Variants in CCDC7 observed in about 807,000 individuals in gnomAD.
CCDC7 encodes coiled-coil domain containing 7.
In CCDC7, 183 loss-of-function variants were observed where a neutral mutation model predicts 196.9. The observed-to-expected ratio is 0.93, with a 90% CI of 0.82 to 1.05. The LOEUF is 1.05. Among genes scored for constraint, CCDC7 ranks in the 50% least tolerant of loss-of-function variants. The probability of loss-of-function intolerance (pLI) is 0.00; values close to 1 mark genes in which losing one functional copy is unlikely to be tolerated. For synonymous variants in CCDC7, 525 were observed against 484.6 expected (o/e 1.08, Z -1.10); for missense variants, 1,540 against 1,482.2 (o/e 1.04, Z -0.64).
intron 9 of CCDC7, chr10:32,511,765 T>A: frequency 6.7e-7 from 1 of 1,495,830 alleles, no homozygotes; most frequent in South Asian, 1.1e-5. Flanking sequence ...GGCCTTCGAC[T>A]CCAGCCTCCC....
chr10:32,676,555 C>T (rs560281144), intron 21 of CCDC7, among the ~76,000 whole-genome samples: 45 of 152,154 alleles, frequency 3.0e-4, no homozygotes, highest in East Asian at 1.9e-3. Context: ...AAAATGTGGG[C>T]GAAGGACATG....
intron 33 of CCDC7, among the ~76,000 whole-genome samples, chr10:32,841,364 C>A: frequency 6.6e-6 from 1 of 151,940 alleles, no homozygotes; most frequent in Non-Finnish European, 1.5e-5. Context: ...AGTGACCAAG[C>A]TGAGAATCAA....
chr10:32,821,526 G>A (rs1279102342), intron 31 of CCDC7, among the ~76,000 whole-genome samples: 4 of 152,012 alleles, frequency 2.6e-5, no homozygotes, highest in African/African-American at 7.3e-5. Context: ...TGTTTATTGC[G>A]GCACTATTCA....
intron 18 of CCDC7, among the ~76,000 whole-genome samples, chr10:32,632,810 A>G (rs909385105): frequency 6.6e-6 from 1 of 152,106 alleles, no homozygotes. Context: ...CAACTTTGGC[A>G]TGAGTTTAAT....
intron 9 of CCDC7, chr10:32,511,340 G>A (rs1048862886): frequency 3.9e-5 from 62 of 1,579,652 alleles, no homozygotes; most frequent in Non-Finnish European, 5.0e-5. Context: ...TCCTTTATTG[G>A]CAACTTTTGA....
chr10:32,726,679 T>G, intron 25 of CCDC7, 55 bp from the exon 27 acceptor site: 7 of 987,908 alleles, frequency 7.1e-6, no homozygotes, highest in South Asian at 6.2e-5. Flanking sequence ...TCACAATAGA[T>G]TTGTTTTTTC....
chr10:32,563,111 C>G (rs1589928431), intron 13 of CCDC7, among the ~76,000 whole-genome samples: 1 of 152,080 alleles, frequency 6.6e-6, no homozygotes, highest in East Asian at 1.9e-4. Flanking sequence ...AGGACCTCTT[C>G]AAGGAGAGCT....
chr10:32,696,651 A>T (rs2077769741), intron 24 of CCDC7, among the ~76,000 whole-genome samples: 1 of 152,058 alleles, frequency 6.6e-6, no homozygotes, highest in Non-Finnish European at 1.5e-5. Flanking sequence ...CTACCACCAA[A>T]CCATGAGTTC....
At chr10:32,764,261 C>T (rs1007899081) in intron 28 of CCDC7, among the ~76,000 whole-genome samples, 1 of 151,384 alleles carries the variant, frequency 6.6e-6, no homozygotes, top group African/African-American at 2.4e-5. Flanking sequence ...TCCCACCAGC[C>T]CCCTAAAGAT....
chr10:32,549,712 T>C (rs2053143475), intron 13 of CCDC7, among the ~76,000 whole-genome samples: 1 of 152,202 alleles, frequency 6.6e-6, no homozygotes, highest in Non-Finnish European at 1.5e-5. Flanking sequence ...TTGTCGAAGA[T>C]CAGTTGGCTG....
chr10:32,665,359 G>A (rs967743953), intron 21 of CCDC7, among the ~76,000 whole-genome samples: 2 of 151,572 alleles, frequency 1.3e-5, no homozygotes, highest in African/African-American at 4.8e-5. Context: ...CCTTGCTTTT[G>A]GGGTCATATT....
chr10:32,496,715 C>G (rs1044718863), intron 9 of CCDC7, among the ~76,000 whole-genome samples: 4 of 152,172 alleles, frequency 2.6e-5, no homozygotes, highest in Non-Finnish European at 5.9e-5. Flanking sequence ...GTATGTTGAA[C>G]CAGCCTTGCA....
intron 11 of CCDC7, among the ~76,000 whole-genome samples, chr10:32,540,722 T>A (rs917520284): frequency 3.3e-5 from 5 of 152,220 alleles, no homozygotes; most frequent in Non-Finnish European, 7.3e-5. Flanking sequence ...GTAGGGTTTC[T>A]GCTGAAAGGC....
chr10:32,705,773 C>T (rs1040226657), intron 24 of CCDC7, among the ~76,000 whole-genome samples: 1 of 152,128 alleles, frequency 6.6e-6, no homozygotes, highest in Non-Finnish European at 1.5e-5. Context: ...AGCTAACTAT[C>T]CTAAATATGT....
intron 24 of CCDC7, among the ~76,000 whole-genome samples, chr10:32,709,152 T>A (rs2080352736): frequency 6.6e-6 from 1 of 151,804 alleles, no homozygotes; most frequent in Non-Finnish European, 1.5e-5. Flanking sequence ...TAAAAAAGGA[T>A]GAGTTCATGT....
At chr10:32,701,967 C>T (rs934582736) in intron 24 of CCDC7, among the ~76,000 whole-genome samples, 6 of 152,136 alleles carry the variant, frequency 3.9e-5, no homozygotes, top group African/African-American at 1.4e-4. Flanking sequence ...TTTCAAAAAA[C>T]CAGCTCCTGG....
intron 18 of CCDC7, among the ~76,000 whole-genome samples, chr10:32,625,016 T>C (rs1046649456): frequency 9.3e-5 from 13 of 139,490 alleles, no homozygotes; most frequent in Non-Finnish European, 1.7e-4. Flanking sequence ...TTTTTAGTTC[T>C]TCACTAATCT....
intron 9 of CCDC7, among the ~76,000 whole-genome samples, chr10:32,498,573 G>A (rs1334518981): frequency 1.3e-5 from 2 of 152,106 alleles, no homozygotes; most frequent in African/African-American, 4.8e-5. Context: ...GTAAAGGCAG[G>A]CCTGGTGGTG....
At chr10:32,634,521 C>A (rs770997083) in intron 19 of CCDC7, among the ~76,000 whole-genome samples, 157 bp downstream of exon 20, 1 of 152,038 alleles carries the variant, frequency 6.6e-6, no homozygotes, top group Non-Finnish European at 1.5e-5. Context: ...CCCAGACTCC[C>A]GAGTAGCTGG....
Sources: allele counts gnomAD v4.1 joint callset (sites outside exome capture counted in the v4.1 genomes callset), GRCh38; gene constraint gnomAD v4.1.1; transcripts MANE v1.5; gene names NCBI Gene and HGNC (gene_info 2026-07-23, HGNC 2026-07-21).